Variants in MAPK8IP3 observed in about 807,000 individuals in gnomAD.
MAPK8IP3 encodes the protein mitogen-activated protein kinase 8 interacting protein 3.
In MAPK8IP3, 49 loss-of-function variants were observed where a neutral mutation model predicts 157.8. That is an observed-to-expected ratio of 0.31 (90% CI 0.25 to 0.39). The LOEUF (loss-of-function observed/expected upper bound fraction) is 0.39, where lower values mean the gene tolerates loss of function less well. MAPK8IP3 is among the 10% of genes least tolerant of loss of function. MAPK8IP3 has a pLI of 1.00. For synonymous variants in MAPK8IP3, 897 were observed against 777.7 expected, an observed-to-expected ratio of 1.15 and a Z score of -2.55; for missense variants, 1,478 against 1,889.4, an observed-to-expected ratio of 0.78 and a Z score of 4.04.
At chr16:1,729,810 G>A (rs936516652) in intron 4 of MAPK8IP3, among the ~76,000 whole-genome samples, 2 of 152,110 alleles carry the variant, frequency 1.3e-5, no homozygotes, top group African/African-American at 4.8e-5. Flanking sequence ...TGTCCCTTCT[G>A]CTCGGTCCAC....
intron 8 of MAPK8IP3, among the ~76,000 whole-genome samples, chr16:1,752,750 TA>T (rs79566771): frequency 0.019 from 2,543 of 134,342 alleles, 43 homozygotes; most frequent in African/African-American, 0.05. Flanking sequence ...CCCTGTCTCT[TA>T]AAAAAAAAAA....
intron 4 of MAPK8IP3, among the ~76,000 whole-genome samples, chr16:1,739,828 G>A (rs1243404521): frequency 1.6e-5 from 2 of 127,678 alleles, no homozygotes; most frequent in Non-Finnish European, 3.3e-5. Flanking sequence ...GTGAGCATCC[G>A]TGTGACCGTC....
At chr16:1,764,025 C>T in intron 17 of MAPK8IP3, 90 bp from the exon 18 acceptor site, 3 of 1,325,520 alleles carry the variant, frequency 2.3e-6, no homozygotes, top group South Asian at 1.4e-5. Flanking sequence ...GCTGTGCCGC[C>T]AGAAGCTGGC....
At chr16:1,755,623 C>T (rs1206243760) in intron 8 of MAPK8IP3, among the ~76,000 whole-genome samples, 1 of 151,780 alleles carries the variant, frequency 6.6e-6, no homozygotes, top group African/African-American at 2.4e-5. Context: ...CCAAGGTGGG[C>T]GGATCACGAG....
At chr16:1,731,847 T>C (rs2039336520) in intron 4 of MAPK8IP3, among the ~76,000 whole-genome samples, 1 of 152,168 alleles carries the variant, frequency 6.6e-6, no homozygotes, top group Admixed American at 6.5e-5. Context: ...TTGAGGGACT[T>C]TCTAGAACAT....
intron 1 of MAPK8IP3, among the ~76,000 whole-genome samples, chr16:1,711,166 A>C (rs2037744961): frequency 6.6e-6 from 1 of 152,260 alleles, no homozygotes; most frequent in Non-Finnish European, 1.5e-5. Context: ...TGAAATATGT[A>C]CAGAAAGGTT....
At chr16:1,709,626 T>C (rs1401646337) in intron 1 of MAPK8IP3, among the ~76,000 whole-genome samples, 1 of 152,240 alleles carries the variant, frequency 6.6e-6, no homozygotes, top group Non-Finnish European at 1.5e-5. Flanking sequence ...CCTCAAGTTA[T>C]TTCCCAGTGG....
At chr16:1,746,420 G>A (rs1243517425) in intron 5 of MAPK8IP3, 5 of 152,372 alleles carry the variant, frequency 3.3e-5, no homozygotes, top group African/African-American at 1.2e-4. Flanking sequence ...GTCCCTTTCT[G>A]TGAGCAGGGA....
At chr16:1,729,065 G>A in intron 2 of MAPK8IP3, 73 bp from the exon 3 acceptor site, 1 of 1,426,196 alleles carries the variant, frequency 7.0e-7, no homozygotes. Flanking sequence ...CCCTCCCTCT[G>A]TGGTTACAAC....
At chr16:1,736,909 TGTGA>T (rs1201448544) in intron 4 of MAPK8IP3, among the ~76,000 whole-genome samples, 2 of 15,260 alleles carry the variant, frequency 1.3e-4, no homozygotes, top group African/African-American at 2.8e-4. Flanking sequence ...TGACCGTCTG[TGTGA>T]GTGACCATCC....
intron 4 of MAPK8IP3, among the ~76,000 whole-genome samples, chr16:1,733,696 C>A (rs185467937): frequency 6.6e-6 from 1 of 152,216 alleles, no homozygotes; most frequent in Admixed American, 6.5e-5. Flanking sequence ...GCACCTCGTC[C>A]TTGTCAGGGC....
intron 26 of MAPK8IP3, 120 bp downstream of exon 26, chr16:1,767,417 T>G: frequency 6.6e-7 from 1 of 1,509,854 alleles, no homozygotes; most frequent in Non-Finnish European, 9.0e-7. Flanking sequence ...CTGTACCACC[T>G]ATGACTCAGG....
chr16:1,715,626 G>C (rs979084409), intron 1 of MAPK8IP3, among the ~76,000 whole-genome samples: 1 of 152,246 alleles, frequency 6.6e-6, no homozygotes, highest in Middle Eastern at 3.4e-3. Flanking sequence ...GCACAAGAAC[G>C]AGATCTTTGA....
chr16:1,735,513 G>A (rs1372340413), intron 4 of MAPK8IP3, among the ~76,000 whole-genome samples: 2 of 140,868 alleles, frequency 1.4e-5, no homozygotes, highest in Admixed American at 1.4e-4. Context: ...GACCATCCGT[G>A]TGAGCAGCCG....
intron 4 of MAPK8IP3, among the ~76,000 whole-genome samples, chr16:1,737,666 G>A (rs2040104755): frequency 2.2e-5 from 2 of 89,486 alleles, no homozygotes; most frequent in South Asian, 7.3e-4. Flanking sequence ...GTGAGCGTCC[G>A]TGTGAGCGTG....
chr16:1,738,818 TGTGTGACCGTCC>T (rs1379520276), intron 4 of MAPK8IP3, among the ~76,000 whole-genome samples: 2 of 132,668 alleles, frequency 1.5e-5, no homozygotes, highest in Non-Finnish European at 3.2e-5. Context: ...TGTGAGCATC[TGTGTGACCGTCC>T]GTGTGAGCGT....
chr16:1,744,474 A>G (rs2040849699), intron 5 of MAPK8IP3: 1 of 985,540 alleles, frequency 1.0e-6, no homozygotes, highest in Non-Finnish European at 1.2e-6. Context: ...GAGCTCCCTC[A>G]TGGCATCTGG....
Position 1,766,820 on chromosome 16 carries a change from C to T in MAPK8IP3, c.3020+17C>T, listed in dbSNP as rs1040640648. The T allele has an allele frequency of 1.4e-5, 23 of 1,612,406 alleles. No individual in the cohort carries two copies. In the East Asian group the frequency reaches 2.0e-4, roughly 14 times the overall value. ...GAGCCTGGTGTGGGTGACCCCAGACCGAGGGCCGGGCGGCGCGGGGGAACG... is the reference window on the plus strand; with the variant it reads ...GAGCCTGGTGTGGGTGACCCCAGACTGAGGGCCGGGCGGCGCGGGGGAACG... On this transcript the variant is annotated intron_variant, in intron 24 of 31. Transcript: ENST00000610761.
chr16:1,761,908 C>T (rs1442360082), intron 13 of MAPK8IP3, among the ~76,000 whole-genome samples: 1 of 152,194 alleles, frequency 6.6e-6, no homozygotes, highest in East Asian at 1.9e-4. Context: ...CTCACCGGCG[C>T]TTCTGTCTCT....
Sources: gnomAD v4.1 joint callset for allele counts (sites outside exome capture counted in the v4.1 genomes callset) on GRCh38, gnomAD v4.1.1 for gene constraint, MANE v1.5 for transcripts, NCBI Gene and HGNC (gene_info 2026-07-23, HGNC 2026-07-21) for gene names.